Variants in ZNF334 observed in about 807,000 individuals in gnomAD.
The protein encoded by ZNF334 is zinc finger protein 334.
ZNF334 carries 14 observed loss-of-function variants against 12.4 expected under a neutral mutation model. The observed-to-expected ratio is 1.13, with a 90% CI of 0.74 to 1.76. The LOEUF is 1.76. Ranked by LOEUF, ZNF334 falls within the 40% of genes most tolerant of loss-of-function variation. The probability of loss-of-function intolerance (pLI) is 0.00; values close to 1 mark genes in which losing one functional copy is unlikely to be tolerated. For synonymous variants in ZNF334, 273 were observed against 269.6 expected, an observed-to-expected ratio of 1.01 and a Z score of -0.12; for missense variants, 797 against 804.5, an observed-to-expected ratio of 0.99 and a Z score of 0.11.
the ZNF334 span, among the ~76,000 whole-genome samples, chr20:46,485,896 C>G: frequency 0.028 from 4,276 of 152,248 alleles, 190 homozygotes; most frequent in African/African-American, 0.095. Context: ...TCTCCTACCC[C>G]CAAAATACTT....
downstream of ZNF334, chr20:46,496,793 T>C (rs1229951321): frequency 5.3e-5 from 8 of 152,292 alleles, no homozygotes; most frequent in African/African-American, 1.9e-4. Flanking sequence ...CTCTTTCAGC[T>C]CCTGGGCTAG....
chr20:46,480,116 A>C, the ZNF334 span, among the ~76,000 whole-genome samples: 2 of 152,150 alleles, frequency 1.3e-5, no homozygotes, highest in African/African-American at 2.4e-5. Context: ...GGACCCCCTG[A>C]GGCTCTTCCT....
chr20:46,465,039 G>T, the ZNF334 span: 1 of 357,534 alleles, frequency 2.8e-6, no homozygotes, highest in South Asian at 2.6e-5. Context: ...TACGCCATGT[G>T]GACTGTCAGA....
downstream of ZNF334, among the ~76,000 whole-genome samples, chr20:46,498,083 C>T (rs181794351): frequency 8.3e-4 from 127 of 152,322 alleles, 1 homozygote; most frequent in African/African-American, 2.5e-3. Context: ...GCCTTTAGTA[C>T]GACTTCTTGA....
chr20:46,469,562 C>T, the ZNF334 span, among the ~76,000 whole-genome samples: 1 of 151,798 alleles, frequency 6.6e-6, no homozygotes, highest in African/African-American at 2.4e-5. Flanking sequence ...TTAGTAGAGA[C>T]GGGGTTTCAC....
At chr20:46,484,796 A>C in the ZNF334 span, among the ~76,000 whole-genome samples, 1 of 152,182 alleles carries the variant, frequency 6.6e-6, no homozygotes, top group Non-Finnish European at 1.5e-5. Context: ...TCATCACACC[A>C]TTCTCCAAAA....
the ZNF334 span, among the ~76,000 whole-genome samples, chr20:46,467,276 C>CAAAAATAAGGCATTTTTTGGG: frequency 6.6e-6 from 1 of 151,854 alleles, no homozygotes; most frequent in Non-Finnish European, 1.5e-5. Context: ...ACTTTCCACA[C>CAAAAATAAGGCATTTTTTGGG]AAAAATAAGG....
At chr20:46,464,823 C>G in the ZNF334 span, 1 of 538,872 alleles carries the variant, frequency 1.9e-6, no homozygotes, top group Non-Finnish European at 3.8e-6. Flanking sequence ...CCCACTCCTA[C>G]AGTTGCAAAG....
chr20:46,492,201 A>G, the ZNF334 span: 1 of 152,672 alleles, frequency 6.5e-6, no homozygotes, highest in African/African-American at 2.4e-5. Flanking sequence ...CAACAAATCC[A>G]TACTGGAAGG....
chr20:46,494,435 G>A, the ZNF334 span, among the ~76,000 whole-genome samples: 1 of 152,066 alleles, frequency 6.6e-6, no homozygotes, highest in East Asian at 1.9e-4. Flanking sequence ...GCATCAGTAC[G>A]TTTATATCTC....
chr20:46,477,624 G>A, the ZNF334 span, among the ~76,000 whole-genome samples: 2 of 152,196 alleles, frequency 1.3e-5, no homozygotes, highest in East Asian at 1.9e-4. Flanking sequence ...GGTATGAGCC[G>A]CCATGGCTGG....
At chr20:46,472,350 T>C in the ZNF334 span, among the ~76,000 whole-genome samples, 1 of 152,046 alleles carries the variant, frequency 6.6e-6, no homozygotes, top group South Asian at 2.1e-4. Context: ...ATAAACCATA[T>C]CAATAAATAA....
chr20:46,477,150 G>A, the ZNF334 span: 1 of 152,176 alleles, frequency 6.6e-6, no homozygotes, highest in Admixed American at 6.5e-5. Flanking sequence ...CATAAACAGA[G>A]TCTAGGAGAG....
chr20:46,507,163 AAAAG>A (rs2061462096), intron 2 of ZNF334, among the ~76,000 whole-genome samples: 2 of 151,946 alleles, frequency 1.3e-5, no homozygotes, highest in Non-Finnish European at 2.9e-5. Context: ...GGAAAGAAAG[AAAAG>A]AAAGAGGAAA....
chr20:46,463,466 T>G, the ZNF334 span, among the ~76,000 whole-genome samples: 1 of 152,198 alleles, frequency 6.6e-6, no homozygotes, highest in Admixed American at 6.5e-5. Flanking sequence ...ACATCCTGTG[T>G]TGGAGCAGAA....
downstream of ZNF334, among the ~76,000 whole-genome samples, chr20:46,498,168 T>C (rs1336671785): frequency 6.6e-6 from 1 of 152,212 alleles, no homozygotes; most frequent in Non-Finnish European, 1.5e-5. Flanking sequence ...CTTATGGTGG[T>C]TGCCTCTGGT....
the ZNF334 span, among the ~76,000 whole-genome samples, chr20:46,473,269 G>A: frequency 2.0e-5 from 3 of 152,178 alleles, no homozygotes; most frequent in African/African-American, 7.2e-5. Context: ...TTCTAAGTAA[G>A]TTTCATTAGT....
intron 2 of ZNF334, among the ~76,000 whole-genome samples, chr20:46,510,544 C>T (rs1339417523): frequency 2.0e-5 from 3 of 151,674 alleles, no homozygotes; most frequent in Non-Finnish European, 2.9e-5. Flanking sequence ...GCTAACATGG[C>T]GAAACCCCGT....
chr20:46,511,974 T>C (rs950694920), intron 2 of ZNF334, 108 bp downstream of exon 2: 2 of 1,092,978 alleles, frequency 1.8e-6, no homozygotes, highest in African/African-American at 1.5e-5. Context: ...ATTGATCGAA[T>C]ACTCTTCTCT....
Sources: allele counts gnomAD v4.1 joint callset (sites outside exome capture counted in the v4.1 genomes callset), GRCh38; gene constraint gnomAD v4.1.1; transcripts MANE v1.5; gene names NCBI Gene and HGNC (gene_info 2026-07-23, HGNC 2026-07-21).